TFDP2: variants seen among roughly 807,000 people sequenced by gnomAD.
TFDP2 encodes the protein transcription factor Dp-2 (E2F dimerization partner 2).
In TFDP2, 17 loss-of-function variants were observed where a neutral mutation model predicts 59.3. That is an observed-to-expected ratio of 0.29 (90% confidence interval 0.20 to 0.43). The LOEUF (loss-of-function observed/expected upper bound fraction) is 0.43. Ranked by LOEUF, TFDP2 falls within the 20% of genes least tolerant of loss-of-function variation. The pLI is 1.00. For synonymous variants in TFDP2, 180 were observed against 194.7 expected, an observed-to-expected ratio of 0.92 and a Z score of 0.63; for missense variants, 391 against 528.8, an observed-to-expected ratio of 0.74 and a Z score of 2.56.
rs1231764727 is a variant in TFDP2, at chr3:142,025,669, T to C, written c.83-20125A>G. Among the ~76,000 whole-genome samples the C allele has an allele frequency of 2.0e-5, 3 of 152,328 alleles. No homozygotes were observed. In the East Asian group the frequency reaches 5.8e-4, roughly 29 times the overall value. On this transcript the variant is annotated intron_variant, in intron 3 of 12. Coordinates refer to ENST00000489671, the MANE Select transcript of TFDP2 (RefSeq NM_001178139.2). ...GCAAATCTATAGTTTGTAAATCCAT[T>C]TTAAAGTCCATGTAAATTGTTTTAC...
rs557667955 is a variant in TFDP2, at chr3:142,040,672, TG to T, written c.83-35129del. Among the ~76,000 whole-genome samples, 11 of 152,302 alleles carry T rather than the reference TG, an allele frequency of 7.2e-5. No individual in the cohort carries two copies. In the East Asian group the frequency reaches 1.9e-3, roughly 27 times the overall value. On this transcript the variant is annotated intron_variant, in intron 3 of 12. Coordinates refer to ENST00000489671, the MANE Select transcript of TFDP2 (RefSeq NM_001178139.2). ...CTTGAACTCCCGACCTCAGGTGATC[TG>T]CCCACCGTGGCCTCCCAAAATGTTG...
chr3:142,023,156 A>T (rs959093585), intron 3 of TFDP2, among the ~76,000 whole-genome samples: 1 of 151,166 alleles, frequency 6.6e-6, no homozygotes, highest in African/African-American at 2.4e-5. Context: ...AAAAGAAAAG[A>T]AAAAGAAAAA....
At chr3:142,146,803 G>A (rs1421078336) in intron 1 of TFDP2, among the ~76,000 whole-genome samples, 1 of 152,078 alleles carries the variant, frequency 6.6e-6, no homozygotes, top group African/African-American at 2.4e-5. Flanking sequence ...ACTAGCAGAG[G>A]TTAAAGACTG....
chr3:141,952,546 T>C lies in TFDP2; in HGVS notation c.1308A>G (p.Glu436=). The C allele has an allele frequency of 6.4e-7, 1 of 1,557,266 alleles. No individual in the cohort carries two copies. ...GGGAGGAGGAATCCTCCTCATCATCTTCCTCATCTTCATCATTGAACGAAC... is the reference window on the plus strand; with the variant it reads ...GGGAGGAGGAATCCTCCTCATCATCCTCCTCATCTTCATCATTGAACGAAC... ...TPCSFNDEDE[E]DDEEDSSSPE Residue 436 remains glutamate (E), a synonymous_variant, in exon 13 of 13, where the codon GAA becomes GAG. Transcript: ENST00000489671.
At chr3:142,122,059 T>G (rs1169927554) in intron 1 of TFDP2, among the ~76,000 whole-genome samples, 1 of 152,158 alleles carries the variant, frequency 6.6e-6, no homozygotes, top group East Asian at 1.9e-4. Flanking sequence ...AACCCTACTT[T>G]GGTAGGAAGT....
chr3:142,134,780 G>GATAC (rs1459221550), intron 1 of TFDP2, among the ~76,000 whole-genome samples: 1 of 151,880 alleles, frequency 6.6e-6, no homozygotes, highest in Non-Finnish European at 1.5e-5. Context: ...GACAAACCTA[G>GATAC]ATACATAGTC....
intron 1 of TFDP2, among the ~76,000 whole-genome samples, chr3:142,147,075 AG>A (rs1226497714): frequency 3.3e-5 from 5 of 151,578 alleles, no homozygotes; most frequent in Admixed American, 6.6e-5. Context: ...AAAAAAAAAA[AG>A]AATTGATCAA....
Position 142,128,831 on chromosome 3 carries a change from A to G in TFDP2, c.-93+20352T>C, listed in dbSNP as rs192032473. 1.0e-3 allele frequency among the ~76,000 whole-genome samples: 153 copies of G among 152,178 alleles called. 1 individual carries two copies. The highest frequency in any genetic ancestry group is 3.6e-3 in the African/African-American group (150 of 41,556). On this transcript the variant is annotated intron_variant, in intron 1 of 12. Coordinates refer to ENST00000489671, the MANE Select transcript of TFDP2 (RefSeq NM_001178139.2). ...AGAAAAGCTTGAGAAGAGTTCTTCCATCCAGGAGGTCCAACTACATGGAAT... is the reference window on the plus strand; with the variant it reads ...AGAAAAGCTTGAGAAGAGTTCTTCCGTCCAGGAGGTCCAACTACATGGAAT...
intron 1 of TFDP2, among the ~76,000 whole-genome samples, chr3:142,148,341 G>A (rs575803516): frequency 2.0e-5 from 3 of 152,310 alleles, no homozygotes; most frequent in Non-Finnish European, 4.4e-5. Flanking sequence ...GAATGAGCCC[G>A]TTCACTGTCT....
intron 1 of TFDP2, among the ~76,000 whole-genome samples, chr3:142,120,812 A>G (rs967156116): frequency 2.0e-5 from 3 of 152,154 alleles, no homozygotes; most frequent in African/African-American, 7.2e-5. Flanking sequence ...CAGTGATGGG[A>G]ACAACCACTG....
At chr3:142,076,068 G>T (rs560860060) in intron 3 of TFDP2, among the ~76,000 whole-genome samples, 93 of 151,692 alleles carry the variant, frequency 6.1e-4, no homozygotes, top group Non-Finnish European at 1.2e-3. Context: ...AAAATTAGCT[G>T]GGCATGGTGG....
At chr3:142,089,382 A>C (rs1420957559) in intron 3 of TFDP2, among the ~76,000 whole-genome samples, 2 of 152,204 alleles carry the variant, frequency 1.3e-5, no homozygotes, top group Admixed American at 1.3e-4. Flanking sequence ...AAATTGTCAT[A>C]TGTGAAGAAC....
chr3:142,006,914 C>T (rs904062082), intron 3 of TFDP2, among the ~76,000 whole-genome samples: 6 of 152,110 alleles, frequency 3.9e-5, no homozygotes, highest in Non-Finnish European at 7.4e-5. Flanking sequence ...GTAGCTGGAA[C>T]TCCAGGCACC....
At position 141,974,034 on chromosome 3, in the gene TFDP2, A is replaced by G. The variant is rs201667857; in HGVS notation, c.663+14T>C. 4 of 1,605,650 alleles carry G rather than the reference A, an allele frequency of 2.5e-6. No individual in the cohort carries two copies. In the South Asian group the frequency reaches 4.5e-5, roughly 18 times the overall value. On this transcript the variant is annotated intron_variant, in intron 8 of 12. Coordinates refer to ENST00000489671, the MANE Select transcript of TFDP2 (RefSeq NM_001178139.2). ...AATGCAAACAGCTATTCATAAACAG[A>G]TTTTCTCACTTACCTCCAGATTCTG...
intron 3 of TFDP2, among the ~76,000 whole-genome samples, chr3:142,016,739 T>C (rs184699324): frequency 6.6e-5 from 10 of 152,322 alleles, no homozygotes; most frequent in African/African-American, 2.4e-4. Context: ...ATTACATAAG[T>C]GGATTACATT....
At chr3:142,115,163 T>G (rs965463858) in intron 1 of TFDP2, among the ~76,000 whole-genome samples, 1 of 152,046 alleles carries the variant, frequency 6.6e-6, no homozygotes, top group Non-Finnish European at 1.5e-5. Flanking sequence ...TTAAAAACAT[T>G]TAAATTATAG....
chr3:142,138,941 G>A (rs75503547), intron 1 of TFDP2, among the ~76,000 whole-genome samples: 6,649 of 152,030 alleles, frequency 0.044, 500 homozygotes, highest in African/African-American at 0.15. Flanking sequence ...CTTCTGTCTC[G>A]TTGATCTAAT....
chr3:142,022,994 C>T (rs1945739294), intron 3 of TFDP2, among the ~76,000 whole-genome samples: 1 of 151,264 alleles, frequency 6.6e-6, no homozygotes, highest in African/African-American at 2.4e-5. Flanking sequence ...GTGGCATGCG[C>T]CCGTAGTCCC....
intron 3 of TFDP2, among the ~76,000 whole-genome samples, chr3:142,065,793 C>T (rs995391910): frequency 1.3e-5 from 2 of 151,820 alleles, no homozygotes; most frequent in African/African-American, 4.8e-5. Context: ...GATTTGGACA[C>T]CTGCCAAAGA....
Sources: gnomAD v4.1 joint callset for allele counts (sites outside exome capture counted in the v4.1 genomes callset) on GRCh38, gnomAD v4.1.1 for gene constraint, MANE v1.5 for transcripts, NCBI Gene and HGNC (gene_info 2026-07-23, HGNC 2026-07-21) for gene names.